JAK2: variants seen among roughly 807,000 people sequenced by gnomAD.
The protein encoded by JAK2 is Janus kinase 2.
In JAK2, 86 loss-of-function variants were observed where a neutral mutation model predicts 139.3. That is an observed-to-expected ratio of 0.62 (90% CI 0.52 to 0.74). The LOEUF (loss-of-function observed/expected upper bound fraction) is 0.74, where lower values mean the gene tolerates loss of function less well. JAK2 is among the 30% of genes least tolerant of loss of function. JAK2 has a pLI of 0.00. For missense variants in JAK2, 1,421 were observed against 1,360.3 expected (o/e 1.04, Z -0.70); for synonymous variants, 490 against 437.7 (o/e 1.12, Z -1.49).
In JAK2 at chr9:5,078,452, C is replaced by T; in HGVS notation, c.2131+8C>T. On this transcript the variant is annotated splice_region_variant and intron_variant, in intron 16 of 24. Transcript: ENST00000381652. ...CAGTTTTGCCAAAGGACAGTAAGTT[C>T]TAGAAGGATTATATATAATGTTACT... 1 of 1,608,322 alleles carries T rather than the reference C, an allele frequency of 6.2e-7. No homozygotes were observed. The highest frequency in any genetic ancestry group is 8.5e-7 in the Non-Finnish European group (1 of 1,176,160).
chr9:5,083,419 G>T (rs770786935), intron 19 of JAK2, among the ~76,000 whole-genome samples: 11 of 152,148 alleles, frequency 7.2e-5, no homozygotes, highest in Non-Finnish European at 1.5e-4. Context: ...CCATGTTAGT[G>T]TTGTCTGTTA....
At chr9:5,020,783 G>C (rs1822368161) in intron 2 of JAK2, among the ~76,000 whole-genome samples, 1 of 152,278 alleles carries the variant, frequency 6.6e-6, no homozygotes, top group Non-Finnish European at 1.5e-5. Context: ...TGGTCCCAGA[G>C]GCGGCAGCCA....
chr9:5,116,913 A>C (rs1469075655), intron 22 of JAK2, among the ~76,000 whole-genome samples: 1 of 152,260 alleles, frequency 6.6e-6, no homozygotes, highest in African/African-American at 2.4e-5. Flanking sequence ...GGAAAACATA[A>C]CAGTACAAAT....
At chr9:5,018,428 A>G (rs1410477405) in intron 2 of JAK2, among the ~76,000 whole-genome samples, 4 of 152,012 alleles carry the variant, frequency 2.6e-5, no homozygotes, top group African/African-American at 9.7e-5. Context: ...CTCGACCTCC[A>G]TGGTCTCAGG....
intron 22 of JAK2, among the ~76,000 whole-genome samples, chr9:5,120,225 C>T (rs1408288574): frequency 6.6e-6 from 1 of 152,226 alleles, no homozygotes; most frequent in Non-Finnish European, 1.5e-5. Context: ...GGGCCAAATG[C>T]TGCATGAAGC....
intron 11 of JAK2, 37 bp downstream of exon 11, chr9:5,069,245 C>T (rs1024285933): frequency 9.9e-6 from 14 of 1,419,452 alleles, no homozygotes; most frequent in Non-Finnish European, 1.4e-5. Context: ...AATTACTGGT[C>T]ATGGATTGTT....
In JAK2 at chr9:5,037,437, A is replaced by G. The variant is rs192396512; in HGVS notation, c.351-6966A>G. On this transcript the variant is annotated intron_variant, in intron 4 of 24. Coordinates refer to ENST00000381652, the MANE Select transcript of JAK2 (RefSeq NM_004972.4). ...GTTTATTGCGGCACTATTCACAATA[A>G]CAAAGACTTGGAACCAAGCTAGATG... 1.8e-3 allele frequency among the ~76,000 whole-genome samples: 277 copies of G among 151,932 alleles called. 1 individual carries two copies. The highest frequency in any genetic ancestry group is 3.4e-3 in the Middle Eastern group (1 of 294).
chr9:5,063,925 AG>A (rs1818369960), intron 8 of JAK2, among the ~76,000 whole-genome samples: 1 of 152,256 alleles, frequency 6.6e-6, no homozygotes, highest in South Asian at 2.1e-4. Flanking sequence ...TGGGAGGCCA[AG>A]GCGGGCGGAT....
chr9:5,083,055 G>A (rs1819824318), intron 19 of JAK2, among the ~76,000 whole-genome samples: 2 of 152,198 alleles, frequency 1.3e-5, no homozygotes, highest in Non-Finnish European at 2.9e-5. Context: ...TCTTCAAGAG[G>A]AAGATGAATT....
At position 5,127,430 on chromosome 9, in the gene JAK2, C is replaced by A. The variant is rs903863375; in HGVS notation, c.*639C>A. ...GTAAATATTTTTCACATAAAGGGAA[C>A]AAATGTCTAGTTTTATTTGTATAGG... On this transcript the variant is annotated 3_prime_UTR_variant, in exon 25 of 25. Transcript: ENST00000381652. The A allele has an allele frequency of 8.6e-6, 2 of 231,480 alleles. No individual in the cohort carries two copies. 14.3% of individuals were successfully genotyped at this position (231,480 alleles called of 1,614,324 possible).
chr9:5,043,011 C>T (rs1268834372), intron 4 of JAK2, among the ~76,000 whole-genome samples: 2 of 152,204 alleles, frequency 1.3e-5, no homozygotes, highest in Non-Finnish European at 2.9e-5. Flanking sequence ...TGGCGTCGCG[C>T]GGCTCGGCCC....
rs1168591378 is a variant in JAK2 at position 5,022,037 on chromosome 9, C to T, written c.50C>T (p.Ser17Phe). 2 of 1,614,158 alleles carry T rather than the reference C, an allele frequency of 1.2e-6. No homozygotes were observed. Among genetic ancestry groups the T allele is most frequent in the Non-Finnish European group, 1.7e-6 (2 of 1,179,972 alleles). ...TMTEMEGTSTSSIYQNGDISG... is the reference protein window; with the variant it reads ...TMTEMEGTSTFSIYQNGDISG... ...ACAGAAATGGAGGGAACATCCACCT[C>T]TTCTATATATCAGAATGGTGATATT... is the stretch of plus-strand genomic sequence containing the variant. Residue 17 changes from serine to phenylalanine, a missense_variant, in exon 3 of 25, where the codon TCT (serine) becomes TTT (phenylalanine). Physicochemically the swap from Ser to Phe is radical, Grantham distance 155. Transcript: ENST00000381652.
At chr9:5,085,853 C>A (rs1037244592) in intron 19 of JAK2, 5 of 771,042 alleles carry the variant, frequency 6.5e-6, no homozygotes, top group East Asian at 4.9e-5. Context: ...CAAAGTAGTA[C>A]TCAGAGATTT....
At chr9:5,058,906 ATTAT>A (rs1428360667) in intron 8 of JAK2, among the ~76,000 whole-genome samples, 5 of 152,138 alleles carry the variant, frequency 3.3e-5, no homozygotes, top group African/African-American at 1.2e-4. Flanking sequence ...AATTATAGAA[ATTAT>A]TTATGTATTC....
rs1324808412 is a variant in JAK2 at position 5,048,618 on chromosome 9, C to T, written c.469-2068C>T. Among the ~76,000 whole-genome samples, 8 of 152,094 alleles carry T rather than the reference C, an allele frequency of 5.3e-5. No homozygotes were observed. The East Asian group carries it at 9.6e-4, about 18-fold the overall frequency. The stretch of plus-strand genomic sequence containing the variant: ...CCCTGAATTAATTTTGTATTAGCAA[C>T]GTTTAGGCCTTTGTTTTGGGTGATA... On this transcript the variant is annotated intron_variant, in intron 5 of 24. Transcript: ENST00000381652.
At chr9:5,118,310 A>C (rs1375059292) in intron 22 of JAK2, among the ~76,000 whole-genome samples, 1 of 152,048 alleles carries the variant, frequency 6.6e-6, no homozygotes, top group African/African-American at 2.4e-5. Context: ...CTCATTCCAA[A>C]TTTTGCATAA....
At chr9:5,101,581 A>T (rs1821491899) in intron 22 of JAK2, among the ~76,000 whole-genome samples, 1 of 152,236 alleles carries the variant, frequency 6.6e-6, no homozygotes, top group African/African-American at 2.4e-5. Context: ...CCTCAGGTGG[A>T]TCCCTGATGC....
intron 8 of JAK2, among the ~76,000 whole-genome samples, chr9:5,060,437 A>G (rs1015587071): frequency 1.3e-5 from 2 of 152,210 alleles, no homozygotes; most frequent in African/African-American, 2.4e-5. Flanking sequence ...CCACTGCTTT[A>G]TGTACTAAAC....
intron 22 of JAK2, among the ~76,000 whole-genome samples, chr9:5,113,263 G>T (rs1229002938): frequency 8.1e-6 from 1 of 123,352 alleles, no homozygotes; most frequent in African/African-American, 3.1e-5. Context: ...CATACACTTT[G>T]TCAGAAAAGA....
Sources: allele counts gnomAD v4.1 joint callset (sites outside exome capture counted in the v4.1 genomes callset), GRCh38; gene constraint gnomAD v4.1.1; transcripts MANE v1.5; gene names NCBI Gene and HGNC (gene_info 2026-07-23, HGNC 2026-07-21).